SLC2A9: variants seen among roughly 807,000 people sequenced by gnomAD.
SLC2A9 encodes solute carrier family 2 member 9, also known as solute carrier family 2, facilitated glucose transporter member 9.
Under a neutral mutation model 50.6 loss-of-function variants are expected in SLC2A9, and 39 were observed. The observed-to-expected ratio is 0.77, with a 90% CI of 0.60 to 1.01. The LOEUF (loss-of-function observed/expected upper bound fraction) is 1.01, where lower values mean the gene tolerates loss of function less well. Ranked by LOEUF, SLC2A9 falls within the 50% of genes least tolerant of loss-of-function variation. The pLI is 0.00. For missense variants in SLC2A9, 686 were observed against 677.6 expected, an observed-to-expected ratio of 1.01 and a Z score of -0.14; for synonymous variants, 324 against 276.9, an observed-to-expected ratio of 1.17 and a Z score of -1.69.
At chr4:9,991,277 C>T (rs532097266) in intron 3 of SLC2A9, among the ~76,000 whole-genome samples, 3 of 152,320 alleles carry the variant, frequency 2.0e-5, no homozygotes, top group Admixed American at 1.3e-4. Flanking sequence ...CTGCCTCAGG[C>T]TCTGCTTCTG....
At chr4:9,919,150 T>C (rs1286899453) in intron 7 of SLC2A9, among the ~76,000 whole-genome samples, 1 of 152,184 alleles carries the variant, frequency 6.6e-6, no homozygotes, top group Non-Finnish European at 1.5e-5. Flanking sequence ...TTCCCCTCTC[T>C]ACTCTCTGAG....
chr4:9,892,290 C>T (rs895675271), intron 8 of SLC2A9, among the ~76,000 whole-genome samples: 7 of 152,208 alleles, frequency 4.6e-5, no homozygotes, highest in East Asian at 1.9e-4. Context: ...TTGAGGGGAA[C>T]GGAGGGTGCT....
chr4:9,778,542 T>A (rs1012908279), downstream of SLC2A9, among the ~76,000 whole-genome samples: 4 of 152,202 alleles, frequency 2.6e-5, no homozygotes, highest in African/African-American at 4.8e-5. Context: ...CAATCTTCCC[T>A]GCAAAACTCC....
At chr4:9,844,323 G>T (rs1483164591) in intron 10 of SLC2A9, among the ~76,000 whole-genome samples, 1 of 151,714 alleles carries the variant, frequency 6.6e-6, no homozygotes, top group African/African-American at 2.4e-5. Flanking sequence ...TTCTTGCCAG[G>T]AAAATAGAAA....
At chr4:9,946,737 AG>A (rs1749244402) in intron 5 of SLC2A9, among the ~76,000 whole-genome samples, 1 of 152,236 alleles carries the variant, frequency 6.6e-6, no homozygotes, top group South Asian at 2.1e-4. Flanking sequence ...GTGTTACATA[AG>A]AACAGTCCAG....
intron 8 of SLC2A9, among the ~76,000 whole-genome samples, chr4:9,891,406 C>T (rs896689379): frequency 1.1e-4 from 16 of 152,138 alleles, no homozygotes; most frequent in African/African-American, 3.6e-4. Context: ...GTTTATATTC[C>T]GGCTTTACTA....
chr4:9,804,226 G>A (rs545463557), intron 3 of SLC2A9, among the ~76,000 whole-genome samples: 1 of 152,342 alleles, frequency 6.6e-6, no homozygotes, highest in African/African-American at 2.4e-5. Context: ...GAATGTTCCT[G>A]GGTGAATAGG....
At chr4:9,872,557 C>T (rs561808809) in intron 10 of SLC2A9, among the ~76,000 whole-genome samples, 1 of 152,246 alleles carries the variant, frequency 6.6e-6, no homozygotes, top group East Asian at 1.9e-4. Context: ...CTATCCAAAT[C>T]CTATTTCCTG....
Position 9,908,282 on chromosome 4 carries a change from C to T in SLC2A9, c.1066G>A (p.Val356Ile), listed in dbSNP as rs374834951. Residue 356 changes from valine (V) to isoleucine (I), a missense_variant, in exon 8 of 12, where the codon GTC (valine) becomes ATC (isoleucine). Val to Ile is a conservative substitution (Grantham distance 29, BLOSUM62 3). Coordinates refer to ENST00000264784, the MANE Select transcript of SLC2A9 (RefSeq NM_020041.3). ...TCGATGCCCCCTGTACTCAAGGTGA[C>T]GTATGGGATCTTTGCCGGAGGGATC... is the stretch of plus-strand genomic sequence containing the variant. ...AGIPPAKIPY[V>I]TLSTGGIETL... The T allele has an allele frequency of 1.9e-6, 3 of 1,613,942 alleles. No individual in the cohort carries two copies. Among genetic ancestry groups the T allele is most frequent in the East Asian group, 2.2e-5 (1 of 44,894 alleles).
intron 3 of SLC2A9, among the ~76,000 whole-genome samples, chr4:9,784,412 G>A (rs1718948982): frequency 6.6e-6 from 1 of 152,170 alleles, no homozygotes; most frequent in Non-Finnish European, 1.5e-5. Flanking sequence ...TCTGACAACT[G>A]TAGCATGTTT....
chr4:9,964,465 AC>A, intron 5 of SLC2A9, among the ~76,000 whole-genome samples: 1 of 152,148 alleles, frequency 6.6e-6, no homozygotes, highest in Non-Finnish European at 1.5e-5. Flanking sequence ...ATGGCCTTCA[AC>A]CCATCTGAAC....
At chr4:9,838,530 A>T (rs1332542096) in intron 10 of SLC2A9, among the ~76,000 whole-genome samples, 3 of 152,206 alleles carry the variant, frequency 2.0e-5, no homozygotes, top group African/African-American at 7.2e-5. Context: ...GAACCAAAAA[A>T]GAGACTGAAT....
chr4:9,879,679 G>C, intron 10 of SLC2A9: 1 of 985,344 alleles, frequency 1.0e-6, no homozygotes. Flanking sequence ...CATCTTGTTT[G>C]CATCTGTCCA....
At chr4:9,832,503 A>G (rs530110446) in intron 11 of SLC2A9, among the ~76,000 whole-genome samples, 1 of 152,160 alleles carries the variant, frequency 6.6e-6, no homozygotes, top group African/African-American at 2.4e-5. Context: ...AGGTTCATCA[A>G]TAGTCACACC....
chr4:10,017,761 C>A (rs1256439334), intron 2 of SLC2A9, among the ~76,000 whole-genome samples: 5 of 152,336 alleles, frequency 3.3e-5, no homozygotes, highest in Admixed American at 6.5e-5. Flanking sequence ...CTCCAAGAAC[C>A]TGGAGCTCCC....
At chr4:9,801,261 CAT>C (rs1334544258) in intron 3 of SLC2A9, among the ~76,000 whole-genome samples, 1 of 152,210 alleles carries the variant, frequency 6.6e-6, no homozygotes, top group Non-Finnish European at 1.5e-5. Flanking sequence ...TGATCACACA[CAT>C]GTGAGCAAAA....
intron 10 of SLC2A9, among the ~76,000 whole-genome samples, chr4:9,848,997 T>G (rs1980219): frequency 6.6e-6 from 1 of 152,034 alleles, no homozygotes; most frequent in African/African-American, 2.4e-5. Flanking sequence ...CCACCGTGCC[T>G]GGCCAGAAAT....
At chr4:10,038,596 C>A (rs16892474) in intron 1 of SLC2A9, among the ~76,000 whole-genome samples, 14,392 of 148,610 alleles carry the variant, frequency 0.097, 1,296 homozygotes, top group East Asian at 0.46. Flanking sequence ...CACTTGGATT[C>A]TTCCATTAAA....
At chr4:9,889,997 C>G (rs1027362141) in intron 9 of SLC2A9, among the ~76,000 whole-genome samples, 2 of 152,222 alleles carry the variant, frequency 1.3e-5, no homozygotes, top group Non-Finnish European at 2.9e-5. Context: ...GCCACCCCTC[C>G]TCCTTCATGG....
Sources: allele counts gnomAD v4.1 joint callset (sites outside exome capture counted in the v4.1 genomes callset), GRCh38; gene constraint gnomAD v4.1.1; transcripts MANE v1.5; gene names NCBI Gene and HGNC (gene_info 2026-07-23, HGNC 2026-07-21).